The following CSMD1 variants were observed in gnomAD, a reference collection of about 807,000 sequenced individuals.
CSMD1 encodes CUB and Sushi multiple domains 1, also known as CUB and sushi domain-containing protein 1.
In CSMD1, 213 loss-of-function variants were observed where a neutral mutation model predicts 417.5. The ratio of observed to expected loss-of-function variants is 0.51; its 90% CI spans 0.46 to 0.57. The LOEUF is 0.57. Ranked by LOEUF, CSMD1 falls within the 20% of genes least tolerant of loss-of-function variation. CSMD1 has a pLI of 0.00. For synonymous variants in CSMD1, 2,862 were observed against 1,736.8 expected, an observed-to-expected ratio of 1.65 and a Z score of -16.11; for missense variants, 6,923 against 4,529.7, an observed-to-expected ratio of 1.53 and a Z score of -15.17.
chr8:2,993,416 G>A (rs1373775756), intron 54 of CSMD1, among the ~76,000 whole-genome samples: 1 of 152,094 alleles, frequency 6.6e-6, no homozygotes, highest in Non-Finnish European at 1.5e-5. Flanking sequence ...GCCCCTGTCC[G>A]GCATCACTTT....
chr8:3,634,241 G>A (rs1371819218), intron 7 of CSMD1, among the ~76,000 whole-genome samples: 1 of 152,164 alleles, frequency 6.6e-6, no homozygotes. Context: ...TTAATGGTGG[G>A]GGCCTTTGGC....
At chr8:3,760,015 G>C (rs1797903878) in intron 5 of CSMD1, among the ~76,000 whole-genome samples, 1 of 151,816 alleles carries the variant, frequency 6.6e-6, no homozygotes, top group Admixed American at 6.6e-5. Context: ...CTGATGTCCA[G>C]AAACACAGGA....
chr8:3,143,032 C>T (rs990350096), intron 40 of CSMD1, among the ~76,000 whole-genome samples: 1 of 152,170 alleles, frequency 6.6e-6, no homozygotes, highest in Non-Finnish European at 1.5e-5. Context: ...ACAATTATGA[C>T]AATCTTAAAT....
chr8:4,857,762 G>T (rs929178334), intron 1 of CSMD1, among the ~76,000 whole-genome samples: 21 of 151,924 alleles, frequency 1.4e-4, no homozygotes, highest in Admixed American at 2.0e-4. Context: ...TGAAATTGTG[G>T]CAATAATCAA....
intron 3 of CSMD1, among the ~76,000 whole-genome samples, chr8:4,256,938 C>T (rs1341962270): frequency 2.0e-5 from 3 of 152,166 alleles, no homozygotes; most frequent in Admixed American, 6.5e-5. Flanking sequence ...GCTTTCCCTC[C>T]GTGGGCTGCT....
At chr8:4,085,951 T>C (rs1392948267) in intron 3 of CSMD1, among the ~76,000 whole-genome samples, 1 of 152,090 alleles carries the variant, frequency 6.6e-6, no homozygotes, top group Non-Finnish European at 1.5e-5. Flanking sequence ...TTCTTACAAG[T>C]GCAAGTCAAT....
intron 1 of CSMD1, among the ~76,000 whole-genome samples, chr8:4,685,480 C>A (rs1428855235): frequency 6.6e-6 from 1 of 152,056 alleles, no homozygotes; most frequent in Non-Finnish European, 1.5e-5. Flanking sequence ...GAGGCTGAGG[C>A]AGGAGAATCG....
At chr8:3,941,364 T>C (rs1295823312) in intron 5 of CSMD1, among the ~76,000 whole-genome samples, 2 of 152,146 alleles carry the variant, frequency 1.3e-5, no homozygotes, top group Non-Finnish European at 2.9e-5. Flanking sequence ...TGAATGCTGA[T>C]AATAATTTTC....
chr8:4,645,742 A>G (rs1803480147), intron 1 of CSMD1, among the ~76,000 whole-genome samples: 1 of 152,102 alleles, frequency 6.6e-6, no homozygotes, highest in Non-Finnish European at 1.5e-5. Context: ...ATTGCAAGAG[A>G]ATTTTACGTG....
At chr8:4,636,827 T>G (rs1235704979) in intron 2 of CSMD1, among the ~76,000 whole-genome samples, 2 of 152,182 alleles carry the variant, frequency 1.3e-5, no homozygotes, top group African/African-American at 4.8e-5. Context: ...GCTGGACTTC[T>G]TGCATTGAGT....
chr8:4,318,429 T>G (rs1189595329), intron 3 of CSMD1, among the ~76,000 whole-genome samples: 1 of 152,100 alleles, frequency 6.6e-6, no homozygotes, highest in East Asian at 1.9e-4. Flanking sequence ...GAAAGAGTAA[T>G]ATTGTGAAAA....
intron 5 of CSMD1, among the ~76,000 whole-genome samples, chr8:3,983,208 G>A (rs1306594688): frequency 6.8e-6 from 1 of 147,436 alleles, no homozygotes; most frequent in Non-Finnish European, 1.5e-5. Flanking sequence ...TCAGCTCACT[G>A]CAAGCTCCAC....
intron 29 of CSMD1, among the ~76,000 whole-genome samples, chr8:3,218,821 G>T (rs1244668537): frequency 6.6e-6 from 1 of 151,884 alleles, no homozygotes; most frequent in Non-Finnish European, 1.5e-5. Flanking sequence ...GCAGCGAGCT[G>T]ACATCGTGCC....
intron 8 of CSMD1, among the ~76,000 whole-genome samples, chr8:3,588,395 G>A (rs995387161): frequency 2.0e-5 from 3 of 152,230 alleles, no homozygotes; most frequent in Non-Finnish European, 4.4e-5. Flanking sequence ...GGAAGAGTTG[G>A]AATTTCAGTG....
At chr8:3,665,800 C>T (rs1019299666) in intron 7 of CSMD1, among the ~76,000 whole-genome samples, 2 of 152,124 alleles carry the variant, frequency 1.3e-5, no homozygotes, top group Non-Finnish European at 2.9e-5. Flanking sequence ...TCTTAGAGCA[C>T]CCCTAGGAAT....
intron 1 of CSMD1, among the ~76,000 whole-genome samples, chr8:4,864,763 A>G (rs1802325397): frequency 6.6e-6 from 1 of 151,574 alleles, no homozygotes; most frequent in Non-Finnish European, 1.5e-5. Context: ...TAACAATTTG[A>G]TTATTTTCAT....
intron 39 of CSMD1, 24 bp from the exon 40 acceptor site, chr8:3,151,537 T>C (rs1292776298): frequency 7.0e-7 from 1 of 1,427,978 alleles, no homozygotes; most frequent in South Asian, 1.2e-5. Context: ...AAGATGTCAG[T>C]CCTGCAGGTC....
At chr8:3,808,618 A>G (rs1800884782) in intron 5 of CSMD1, among the ~76,000 whole-genome samples, 1 of 152,200 alleles carries the variant, frequency 6.6e-6, no homozygotes, top group African/African-American at 2.4e-5. Context: ...ATTATCAAAT[A>G]CTATTGCATC....
intron 5 of CSMD1, among the ~76,000 whole-genome samples, chr8:3,978,042 C>T (rs765039867): frequency 9.9e-5 from 15 of 152,178 alleles, no homozygotes; most frequent in Non-Finnish European, 1.5e-4. Flanking sequence ...CATCTCATAG[C>T]TTCCTCAAAA....
Sources: allele counts gnomAD v4.1 joint callset (sites outside exome capture counted in the v4.1 genomes callset), GRCh38; gene constraint gnomAD v4.1.1; transcripts MANE v1.5; gene names NCBI Gene and HGNC (gene_info 2026-07-23, HGNC 2026-07-21).